UGT1A7: variants seen among roughly 807,000 people sequenced by gnomAD.
The protein encoded by UGT1A7 is UDP-glucuronosyltransferase 1A7.
UGT1A7 carries 33 observed loss-of-function variants against 45.6 expected under a neutral mutation model. The observed-to-expected ratio is 0.72, with a 90% CI of 0.55 to 0.97. The LOEUF is 0.97. UGT1A7 is among the 50% of genes least tolerant of loss of function. The pLI, the probability that UGT1A7 is intolerant of heterozygous loss-of-function variation, is 0.00. For synonymous variants in UGT1A7, 274 were observed against 250.6 expected, an observed-to-expected ratio of 1.09 and a Z score of -0.88; for missense variants, 684 against 666.2, an observed-to-expected ratio of 1.03 and a Z score of -0.29.
chr2:233,712,674 G>A (rs1441812759), intron 1 of UGT1A7, among the ~76,000 whole-genome samples: 2 of 152,212 alleles, frequency 1.3e-5, no homozygotes, highest in Admixed American at 6.5e-5. Flanking sequence ...GTAGGAGACA[G>A]TGACATGAAA....
At chr2:233,770,346 C>T (rs1357381259) in intron 4 of UGT1A7, 2 of 152,134 alleles carry the variant, frequency 1.3e-5, no homozygotes, top group African/African-American at 4.8e-5. Flanking sequence ...TGCTCAATTA[C>T]TATTGAATGA....
chr2:233,720,410 G>T (rs537588442), intron 1 of UGT1A7, among the ~76,000 whole-genome samples: 1 of 152,200 alleles, frequency 6.6e-6, no homozygotes, highest in South Asian at 2.1e-4. Flanking sequence ...GGGTGGAAGG[G>T]ACTAGGGAGG....
rs747574458 is a variant in UGT1A7, at chr2:233,682,591, A to G, written c.654A>G (p.Leu218=). 4 of 1,613,708 alleles carry G rather than the reference A, an allele frequency of 2.5e-6. No individual in the cohort carries two copies. The highest frequency in any genetic ancestry group is 2.2e-5 in the South Asian group (2 of 91,068). The change falls in exon 1 of 5, where the codon TTA becomes TTG. Residue 218 remains leucine (L), a synonymous_variant. Transcript: ENST00000373426. ...ACATCATGCACTTGGAGGAACATTT[A>G]TTTTGCCCCTATTTTTTCAAAAATG... ...WNHIMHLEEH[L]FCPYFFKNVL... is the part of the protein sequence containing the mutation.
intron 1 of UGT1A7, among the ~76,000 whole-genome samples, chr2:233,697,691 T>A (rs568547082): frequency 1.3e-5 from 2 of 152,252 alleles, no homozygotes; most frequent in African/African-American, 4.8e-5. Flanking sequence ...TTTCTGCTTT[T>A]TGGATGTAGG....
intron 1 of UGT1A7, chr2:233,754,630 T>C (rs1285371125): frequency 2.2e-6 from 1 of 445,558 alleles, no homozygotes; most frequent in East Asian, 7.0e-5. Flanking sequence ...ACTTCCACCC[T>C]TTCTTGGCCA....
In UGT1A7 at chr2:233,732,508, T is replaced by C. The variant is rs534063439; in HGVS notation, c.856-34526T>C. The stretch of plus-strand genomic sequence containing the variant: ...TGTATAAGGCGTAAGGAAGGGATCC[T>C]GTTCCAGCTTTCTACATATGGCCAG... On this transcript the variant is annotated intron_variant, in intron 1 of 4. Coordinates refer to ENST00000373426, the MANE Select transcript of UGT1A7 (RefSeq NM_019077.3). Among the ~76,000 whole-genome samples the C allele has an allele frequency of 1.1e-4, 16 of 152,348 alleles. 1 individual carries two copies. The South Asian group carries it at 3.3e-3, about 32-fold the overall frequency.
At chr2:233,713,149 C>T (rs777655753) in intron 1 of UGT1A7, 6 of 1,614,056 alleles carry the variant, frequency 3.7e-6, no homozygotes, top group Admixed American at 3.3e-5. Flanking sequence ...GACCTCCATG[C>T]GAGAGGCCAC....
At position 233,682,571 on chromosome 2, in the gene UGT1A7, A is replaced by C. The variant is rs193199170; in HGVS notation, c.634A>C (p.Met212Leu). 5 of 1,613,826 alleles carry C rather than the reference A, an allele frequency of 3.1e-6. No homozygotes were observed. In the African/African-American group the frequency reaches 5.3e-5, roughly 17 times the overall value. Residue 212 changes from methionine to leucine, a missense_variant, in exon 1 of 5, where the codon ATG becomes CTG. Coordinates refer to ENST00000373426, the MANE Select transcript of UGT1A7 (RefSeq NM_019077.3). ...TFKERVWNHI[M>L]HLEEHLFCPY... is the part of the protein sequence containing the mutation. ...CAAGGAGAGAGTATGGAACCACATC[A>C]TGCACTTGGAGGAACATTTATTTTG...
chr2:233,696,816 T>A (rs562285959), intron 1 of UGT1A7, among the ~76,000 whole-genome samples: 1 of 152,328 alleles, frequency 6.6e-6, no homozygotes, highest in Admixed American at 6.5e-5. Flanking sequence ...GCCAGTTTAT[T>A]GAGAGTGTGT....
chr2:233,707,763 TG>T (rs2075986173), intron 1 of UGT1A7, among the ~76,000 whole-genome samples: 2 of 152,092 alleles, frequency 1.3e-5, no homozygotes, highest in African/African-American at 4.8e-5. Flanking sequence ...CACATGTGAG[TG>T]GGTTTTTAGA....
At chr2:233,748,415 T>A (rs1693936731) in intron 1 of UGT1A7, among the ~76,000 whole-genome samples, 1 of 151,852 alleles carries the variant, frequency 6.6e-6, no homozygotes, top group Non-Finnish European at 1.5e-5. Context: ...ACATTGAGAC[T>A]TGACCCATCT....
At chr2:233,704,378 C>T (rs113589213) in intron 1 of UGT1A7, among the ~76,000 whole-genome samples, 7 of 151,452 alleles carry the variant, frequency 4.6e-5, no homozygotes, top group African/African-American at 1.2e-4. Flanking sequence ...CTTAGCACAT[C>T]GATTTTAACT....
chr2:233,734,461 C>T (rs1187494686), intron 1 of UGT1A7, among the ~76,000 whole-genome samples: 1 of 145,226 alleles, frequency 6.9e-6, no homozygotes, highest in African/African-American at 2.7e-5. Flanking sequence ...TTTCAAAATC[C>T]ATCTCCTGGA....
chr2:233,703,455 C>T (rs971722755), intron 1 of UGT1A7, among the ~76,000 whole-genome samples: 4 of 151,966 alleles, frequency 2.6e-5, no homozygotes, highest in African/African-American at 4.8e-5. Flanking sequence ...TTAATTTCCC[C>T]TCTATTCTTT....
At chr2:233,756,198 G>C (rs1023408746) in intron 1 of UGT1A7, 1 of 152,220 alleles carries the variant, frequency 6.6e-6, no homozygotes, top group Non-Finnish European at 1.5e-5. Flanking sequence ...TAGCAGAGTA[G>C]TCCCTGGTAT....
At chr2:233,684,000 A>G (rs920065917) in intron 1 of UGT1A7, among the ~76,000 whole-genome samples, 1 of 152,208 alleles carries the variant, frequency 6.6e-6, no homozygotes, top group African/African-American at 2.4e-5. Context: ...TGACAAATAC[A>G]AGAGTAAGAT....
chr2:233,694,162 A>G (rs2075203052), intron 1 of UGT1A7, among the ~76,000 whole-genome samples: 1 of 152,214 alleles, frequency 6.6e-6, no homozygotes, highest in South Asian at 2.1e-4. Context: ...CAGTTCAAAC[A>G]GAGGTGAAGG....
At chr2:233,690,630 C>T (rs918376019) in intron 1 of UGT1A7, 5 of 1,288,446 alleles carry the variant, frequency 3.9e-6, no homozygotes, top group Non-Finnish European at 5.1e-6. Flanking sequence ...TCAAGTGATA[C>T]CTGAGGACAC....
At chr2:233,747,232 G>A in intron 1 of UGT1A7, 1 of 1,605,196 alleles carries the variant, frequency 6.2e-7, no homozygotes, top group Non-Finnish European at 8.5e-7. Context: ...AGGACCCCAG[G>A]TTCCCCTGCT....
Sources: gnomAD v4.1 joint callset for allele counts (sites outside exome capture counted in the v4.1 genomes callset) on GRCh38, gnomAD v4.1.1 for gene constraint, MANE v1.5 for transcripts, NCBI Gene and HGNC (gene_info 2026-07-23, HGNC 2026-07-21) for gene names.